Variants in PTPRD observed in about 807,000 individuals in gnomAD.
PTPRD encodes receptor-type tyrosine-protein phosphatase delta.
In PTPRD, 34 loss-of-function variants were observed where a neutral mutation model predicts 214.5. The observed-to-expected ratio is 0.16, with a 90% CI of 0.12 to 0.21. PTPRD has a LOEUF of 0.21. Ranked by LOEUF, PTPRD falls within the 10% of genes least tolerant of loss-of-function variation. The pLI, the probability that PTPRD is intolerant of heterozygous loss-of-function variation, is 1.00. For missense variants in PTPRD, 2,545 were observed against 2,398.7 expected (o/e 1.06, Z -1.27); for synonymous variants, 1,128 against 845.7 (o/e 1.33, Z -5.79).
At chr9:10,519,897 A>G (rs927249474) in intron 2 of PTPRD, among the ~76,000 whole-genome samples, 2 of 152,052 alleles carry the variant, frequency 1.3e-5, no homozygotes, top group South Asian at 4.1e-4. Flanking sequence ...CCCCCCATCA[A>G]TTTCCCTCTC....
At chr9:10,570,716 G>A (rs960667257) in intron 2 of PTPRD, among the ~76,000 whole-genome samples, 5 of 152,050 alleles carry the variant, frequency 3.3e-5, no homozygotes, top group Admixed American at 6.6e-5. Context: ...TTACAAATGC[G>A]ATTTTCCCAA....
chr9:8,325,557 G>C (rs562693558), intron 44 of PTPRD, among the ~76,000 whole-genome samples: 306 of 142,292 alleles, frequency 2.2e-3, no homozygotes, highest in African/African-American at 6.6e-3. Context: ...GGATTGTCTT[G>C]GCTTTGTGGG....
At chr9:9,358,916 C>T (rs374332692) in intron 9 of PTPRD, among the ~76,000 whole-genome samples, 5 of 151,412 alleles carry the variant, frequency 3.3e-5, no homozygotes, top group Middle Eastern at 3.4e-3. Context: ...CTTACTGTTG[C>T]ACCTCTATTA....
intron 5 of PTPRD, among the ~76,000 whole-genome samples, chr9:9,841,155 T>C (rs2058238418): frequency 6.6e-6 from 1 of 152,158 alleles, no homozygotes; most frequent in African/African-American, 2.4e-5. Context: ...CCAGTAAAAA[T>C]ATCTAAATTA....
At chr9:10,509,489 C>CTATCTATCTATT (rs752265698) in intron 2 of PTPRD, among the ~76,000 whole-genome samples, 1 of 145,892 alleles carries the variant, frequency 6.9e-6, no homozygotes, top group African/African-American at 2.5e-5. Context: ...ATCTATCTAT[C>CTATCTATCTATT]TATCTATCTA....
chr9:9,877,920 C>T (rs1029076019), intron 5 of PTPRD, among the ~76,000 whole-genome samples: 3 of 139,352 alleles, frequency 2.2e-5, no homozygotes, highest in Non-Finnish European at 4.5e-5. Flanking sequence ...TTGCGGTGAG[C>T]TGAGATCACG....
At chr9:9,290,106 C>T (rs1270138694) in intron 9 of PTPRD, among the ~76,000 whole-genome samples, 3 of 151,498 alleles carry the variant, frequency 2.0e-5, no homozygotes, top group Non-Finnish European at 4.4e-5. Flanking sequence ...TTTTCCATAC[C>T]TTCACCAACA....
chr9:8,745,655 T>C (rs1045955714), intron 11 of PTPRD, among the ~76,000 whole-genome samples: 2 of 152,174 alleles, frequency 1.3e-5, no homozygotes, highest in African/African-American at 2.4e-5. Context: ...GAAGGAAAAA[T>C]GATTAACCAG....
chr9:10,455,194 C>T (rs1374428236), intron 2 of PTPRD, among the ~76,000 whole-genome samples: 1 of 151,678 alleles, frequency 6.6e-6, no homozygotes, highest in South Asian at 2.1e-4. Context: ...CCTCTGGAGC[C>T]TCTGTAGCAC....
At chr9:9,175,190 G>A (rs890123115) in intron 10 of PTPRD, among the ~76,000 whole-genome samples, 2 of 152,236 alleles carry the variant, frequency 1.3e-5, no homozygotes, top group African/African-American at 4.8e-5. Flanking sequence ...CAGCCAAAGT[G>A]AACTAAGACA....
intron 3 of PTPRD, among the ~76,000 whole-genome samples, chr9:10,269,273 G>T (rs1054149750): frequency 6.6e-6 from 1 of 152,168 alleles, no homozygotes; most frequent in Non-Finnish European, 1.5e-5. Context: ...TTTGATCCAC[G>T]TAAGAGGACA....
intron 3 of PTPRD, among the ~76,000 whole-genome samples, chr9:10,273,772 G>C (rs1041512019): frequency 2.6e-5 from 4 of 152,084 alleles, no homozygotes; most frequent in African/African-American, 4.8e-5. Flanking sequence ...TCACAGTGTA[G>C]ACTATGGTTA....
intron 2 of PTPRD, among the ~76,000 whole-genome samples, chr9:10,426,810 C>T (rs1404633240): frequency 2.0e-5 from 3 of 152,046 alleles, no homozygotes; most frequent in African/African-American, 7.2e-5. Flanking sequence ...GTAGCCAAAA[C>T]GCATCACACA....
chr9:9,401,816 G>C (rs2070689051), intron 8 of PTPRD, among the ~76,000 whole-genome samples: 1 of 151,962 alleles, frequency 6.6e-6, no homozygotes, highest in Non-Finnish European at 1.5e-5. Flanking sequence ...AGATCTGGTA[G>C]TTTATTAAGG....
At chr9:9,052,051 G>T (rs1334501281) in intron 10 of PTPRD, among the ~76,000 whole-genome samples, 1 of 152,154 alleles carries the variant, frequency 6.6e-6, no homozygotes, top group Non-Finnish European at 1.5e-5. Flanking sequence ...ATTTCTCATA[G>T]TTCTGGAGGC....
intron 2 of PTPRD, among the ~76,000 whole-genome samples, chr9:10,422,919 T>A (rs180909192): frequency 6.6e-6 from 1 of 152,148 alleles, no homozygotes; most frequent in Non-Finnish European, 1.5e-5. Context: ...GATCTAGAAC[T>A]AGAAATACCA....
At chr9:10,460,722 C>A (rs762214120) in intron 2 of PTPRD, among the ~76,000 whole-genome samples, 1 of 151,968 alleles carries the variant, frequency 6.6e-6, no homozygotes, top group Admixed American at 6.6e-5. Context: ...TCTCTTACAC[C>A]ATACACAAAA....
At chr9:10,568,234 G>C (rs1162622332) in intron 2 of PTPRD, among the ~76,000 whole-genome samples, 1 of 150,410 alleles carries the variant, frequency 6.6e-6, no homozygotes, top group Non-Finnish European at 1.5e-5. Flanking sequence ...TTTTGTCCTT[G>C]TGATAGTTTG....
intron 14 of PTPRD, 66 bp from the exon 15 acceptor site, chr9:8,528,845 C>A (rs2139497634): frequency 1.1e-5 from 16 of 1,501,898 alleles, no homozygotes; most frequent in East Asian, 2.3e-5. Context: ...CAAGAGATTC[C>A]CCAGAAATCT....
Sources: gnomAD v4.1 joint callset for allele counts (sites outside exome capture counted in the v4.1 genomes callset) on GRCh38, gnomAD v4.1.1 for gene constraint, MANE v1.5 for transcripts, NCBI Gene and HGNC (gene_info 2026-07-23, HGNC 2026-07-21) for gene names.